PRKN: variants seen among roughly 807,000 people sequenced by gnomAD.
PRKN encodes E3 ubiquitin-protein ligase parkin.
In PRKN, 56 loss-of-function variants were observed where a neutral mutation model predicts 59.5. The observed-to-expected ratio is 0.94, with a 90% CI of 0.76 to 1.18. The LOEUF is 1.18. Among genes scored for constraint, PRKN ranks in the 50% most tolerant of loss-of-function variants. PRKN has a pLI of 0.00. For synonymous variants in PRKN, 250 were observed against 222.1 expected, an observed-to-expected ratio of 1.13 and a Z score of -1.12; for missense variants, 657 against 596.4, an observed-to-expected ratio of 1.10 and a Z score of -1.06.
chr6:161,844,859 C>T (rs538928245), intron 6 of PRKN, among the ~76,000 whole-genome samples: 3 of 152,160 alleles, frequency 2.0e-5, no homozygotes, highest in Non-Finnish European at 2.9e-5. Context: ...GTGGAGTTGG[C>T]GTATGTGTTC....
intron 1 of PRKN, among the ~76,000 whole-genome samples, chr6:162,475,581 A>G (rs374442687): frequency 3.7e-5 from 4 of 107,176 alleles, no homozygotes; most frequent in Admixed American, 8.8e-5. Flanking sequence ...GTGTGTGTGC[A>G]TGAGTGTGTG....
At chr6:162,595,925 T>C (rs1369883648) in intron 1 of PRKN, among the ~76,000 whole-genome samples, 1 of 152,166 alleles carries the variant, frequency 6.6e-6, no homozygotes, top group African/African-American at 2.4e-5. Context: ...CATAATCAAG[T>C]TGTACAATGT....
chr6:162,597,468 A>G (rs1452395248), intron 1 of PRKN, among the ~76,000 whole-genome samples: 1 of 152,248 alleles, frequency 6.6e-6, no homozygotes, highest in South Asian at 2.1e-4. Flanking sequence ...AATTATGCAC[A>G]TAAAGAATAG....
In PRKN at chr6:161,757,875, G is replaced by GTGTGTA. The variant is rs1554301321; in HGVS notation, c.871+27896_871+27897insTACACA. ...TCTCTCTCTCTCTCTCTCTCTCTGT[G>GTGTGTA]TATATATATATACACACACACACAC... On this transcript the variant is annotated intron_variant, in intron 7 of 11. Coordinates refer to ENST00000366898, the MANE Select transcript of PRKN (RefSeq NM_004562.3). Among the ~76,000 whole-genome samples, 28 of 23,470 alleles carry GTGTGTA rather than the reference G, an allele frequency of 1.2e-3. No individual in the cohort carries two copies. The East Asian group carries it at 0.025, about 21-fold the overall frequency. The allele number at this position is 23,470 out of a possible 152,430, so 15.4% of individuals were successfully genotyped here.
chr6:161,780,642 GAAGT>G (rs1790163878), intron 7 of PRKN, among the ~76,000 whole-genome samples: 1 of 152,150 alleles, frequency 6.6e-6, no homozygotes, highest in Non-Finnish European at 1.5e-5. Context: ...ATTAAAGATA[GAAGT>G]AATAATCTAA....
intron 1 of PRKN, among the ~76,000 whole-genome samples, chr6:162,657,570 G>A (rs1464387563): frequency 1.3e-5 from 2 of 152,102 alleles, no homozygotes; most frequent in Non-Finnish European, 2.9e-5. Flanking sequence ...TGTTTCATCT[G>A]CTAAAGTAGC....
intron 9 of PRKN, among the ~76,000 whole-genome samples, chr6:161,398,578 C>A (rs1786879389): frequency 6.6e-6 from 1 of 152,194 alleles, no homozygotes; most frequent in South Asian, 2.1e-4. Context: ...GTATGCTGTG[C>A]ATTGCTGGAG....
chr6:162,689,479 C>T (rs1220691941), intron 1 of PRKN, among the ~76,000 whole-genome samples: 3 of 152,202 alleles, frequency 2.0e-5, no homozygotes, highest in Admixed American at 6.5e-5. Context: ...CCTTGAAAAT[C>T]ATTTAACTCT....
intron 7 of PRKN, among the ~76,000 whole-genome samples, chr6:161,742,161 G>T (rs1380426405): frequency 6.6e-6 from 1 of 151,994 alleles, no homozygotes; most frequent in African/African-American, 2.4e-5. Context: ...GTAGAGACGG[G>T]ATTTTACCAT....
chr6:162,604,810 G>T (rs1349497207), intron 1 of PRKN, among the ~76,000 whole-genome samples: 1 of 149,944 alleles, frequency 6.7e-6, no homozygotes, highest in Non-Finnish European at 1.5e-5. Flanking sequence ...TGGTGAAATT[G>T]ATTTGAAACC....
At chr6:162,153,455 A>G (rs1446196842) in intron 4 of PRKN, among the ~76,000 whole-genome samples, 1 of 152,214 alleles carries the variant, frequency 6.6e-6, no homozygotes, top group Non-Finnish European at 1.5e-5. Context: ...TGCTGTCAGC[A>G]GACAACAGTG....
intron 1 of PRKN, among the ~76,000 whole-genome samples, chr6:162,521,460 G>T (rs1231755882): frequency 6.6e-6 from 1 of 152,068 alleles, no homozygotes; most frequent in Admixed American, 6.6e-5. Context: ...TCAAACTACT[G>T]TGAAAACTTA....
intron 8 of PRKN, among the ~76,000 whole-genome samples, chr6:161,557,534 A>C (rs542719122): frequency 6.6e-6 from 1 of 152,254 alleles, no homozygotes; most frequent in Admixed American, 6.5e-5. Context: ...TAGTCACCTG[A>C]GAAGTGTGGC....
intron 7 of PRKN, among the ~76,000 whole-genome samples, chr6:161,746,383 T>C (rs2128193078): frequency 1.3e-5 from 2 of 152,024 alleles, no homozygotes; most frequent in South Asian, 4.1e-4. Context: ...TCTTATTTTA[T>C]AAGTAGGGGC....
chr6:161,494,476 T>C (rs1036535969), intron 9 of PRKN, among the ~76,000 whole-genome samples: 1 of 152,238 alleles, frequency 6.6e-6, no homozygotes, highest in African/African-American at 2.4e-5. Flanking sequence ...CATTCTGCAT[T>C]CAAGAAACTA....
intron 4 of PRKN, among the ~76,000 whole-genome samples, chr6:162,133,135 G>T (rs1260589516): frequency 6.6e-6 from 1 of 152,182 alleles, no homozygotes; most frequent in Non-Finnish European, 1.5e-5. Flanking sequence ...GATCACTCTG[G>T]CTGCTGTGTG....
At chr6:162,521,754 CTGTT>C (rs1435033653) in intron 1 of PRKN, among the ~76,000 whole-genome samples, 1 of 151,938 alleles carries the variant, frequency 6.6e-6, no homozygotes, top group African/African-American at 2.4e-5. Flanking sequence ...CAAATACTTA[CTGTT>C]TAAGGAATAT....
intron 1 of PRKN, among the ~76,000 whole-genome samples, chr6:162,666,565 G>A (rs1444872035): frequency 6.6e-6 from 1 of 152,014 alleles, no homozygotes; most frequent in Non-Finnish European, 1.5e-5. Flanking sequence ...AATTCAGGAG[G>A]TGAATTAAGG....
chr6:161,962,632 G>T (rs925122544), intron 6 of PRKN, among the ~76,000 whole-genome samples: 1 of 151,452 alleles, frequency 6.6e-6, no homozygotes, highest in Admixed American at 6.6e-5. Context: ...CACCTCCCAG[G>T]TTCAAGTGAT....
Sources: allele counts gnomAD v4.1 joint callset (sites outside exome capture counted in the v4.1 genomes callset), GRCh38; gene constraint gnomAD v4.1.1; transcripts MANE v1.5; gene names NCBI Gene and HGNC (gene_info 2026-07-23, HGNC 2026-07-21).